AOAH: variants seen among roughly 807,000 people sequenced by gnomAD.
The protein encoded by AOAH is acyloxyacyl hydrolase, also known as acyloxyacyl hydrolase (neutrophil).
Under a neutral mutation model 92.2 loss-of-function variants are expected in AOAH, and 64 were observed. The ratio of observed to expected loss-of-function variants is 0.69; its 90% CI spans 0.57 to 0.86. AOAH has a LOEUF of 0.86. Ranked by LOEUF, AOAH falls within the 40% of genes least tolerant of loss-of-function variation. AOAH has a pLI of 0.00. For missense variants in AOAH, 656 were observed against 694.6 expected, an observed-to-expected ratio of 0.94 and a Z score of 0.62; for synonymous variants, 263 against 254.5, an observed-to-expected ratio of 1.03 and a Z score of -0.32.
chr7:36,573,043 A>T (rs1276652966), intron 13 of AOAH, among the ~76,000 whole-genome samples: 1 of 152,236 alleles, frequency 6.6e-6, no homozygotes, highest in Non-Finnish European at 1.5e-5. Flanking sequence ...GGCAAGAGAC[A>T]TTCAATGATT....
intron 20 of AOAH, among the ~76,000 whole-genome samples, chr7:36,520,687 A>G (rs1478854705): frequency 1.5e-4 from 22 of 146,994 alleles, no homozygotes. Flanking sequence ...CCGGGGCAAC[A>G]AGAGTGAAAC....
rs192215771 is a variant in AOAH, at chr7:36,663,076, C to G, written c.291-3811G>C. On this transcript the variant is annotated intron_variant, in intron 3 of 20. Transcript: ENST00000617537. ...TGAATCTTTAAGCAGTCTGCAAACT[C>G]ATAGGAACAATTCCCACCTTTTCTC... Among the ~76,000 whole-genome samples, 26 of 148,586 alleles carry G rather than the reference C, an allele frequency of 1.7e-4. No homozygotes were observed. The East Asian group carries it at 5.1e-3, about 29-fold the overall frequency.
Position 36,515,708 on chromosome 7 carries a change from CCCACACA to C in AOAH, c.1600-2335_1600-2329del, listed in dbSNP as rs1343553672. On this transcript the variant is annotated intron_variant, in intron 20 of 20. Transcript: ENST00000617537. ...CCACACACACATAATCACACACCCC[CCCACACA>C]CCACACACCAACACCACACACACAC... 4.5e-3 allele frequency among the ~76,000 whole-genome samples: 601 copies of C among 133,306 alleles called. 16 individuals are homozygous for C. Among genetic ancestry groups the C allele is most frequent in the African/African-American group, 0.017 (566 of 33,814 alleles). 87.5% of individuals were successfully genotyped at this position (133,306 alleles called of 152,430 possible). A position where few individuals can be genotyped will look rare whatever the true frequency, so the allele number is the denominator to read the frequency against.
At position 36,609,922 on chromosome 7, in the gene AOAH, T is replaced by C. The variant is rs200693568; in HGVS notation, c.846+6458A>G. ...GAGATGTGACTCTAGAATTTTTGCCTAAGTTAGAACTGACATTTTGTTTAC... is the reference window on the plus strand; with the variant it reads ...GAGATGTGACTCTAGAATTTTTGCCCAAGTTAGAACTGACATTTTGTTTAC... On this transcript the variant is annotated intron_variant, in intron 11 of 20. Transcript: ENST00000617537. Among the ~76,000 whole-genome samples, 4 of 151,922 alleles carry C rather than the reference T, an allele frequency of 2.6e-5. No homozygotes were observed. In the East Asian group the frequency reaches 7.7e-4, roughly 29 times the overall value.
At chr7:36,630,576 A>C (rs1722099333) in intron 6 of AOAH, among the ~76,000 whole-genome samples, 1 of 152,210 alleles carries the variant, frequency 6.6e-6, no homozygotes, top group African/African-American at 2.4e-5. Flanking sequence ...CTAAGGGCCT[A>C]AGAATTCCCT....
chr7:36,564,721 T>C (rs1583830648), intron 13 of AOAH, among the ~76,000 whole-genome samples: 4 of 152,352 alleles, frequency 2.6e-5, no homozygotes, highest in Admixed American at 2.6e-4. Context: ...CTTCTGAATT[T>C]TCCCTCTGTA....
intron 1 of AOAH, among the ~76,000 whole-genome samples, chr7:36,700,087 T>C (rs1397345142): frequency 6.6e-6 from 1 of 152,072 alleles, no homozygotes; most frequent in Non-Finnish European, 1.5e-5. Context: ...GGTGTCTTTG[T>C]CAAAAAATGG....
Position 36,532,314 on chromosome 7 carries a change from T to G in AOAH, c.1337A>C (p.Gln446Pro), listed in dbSNP as rs1562540172. Residue 446 changes from glutamine (Q) to proline (P), a missense_variant, in exon 17 of 21, where the codon CAG becomes CCG. By Grantham distance (76) the Gln-to-Pro change is moderately conservative. Coordinates refer to ENST00000617537, the MANE Select transcript of AOAH (RefSeq NM_001637.4). Reference sequence around the variant, plus strand: ...GAGGCAGTTCAGGAAGGAGTACAACTGCGCATAGGTCATGTCTTTATTTAG... The same window carrying G: ...GAGGCAGTTCAGGAAGGAGTACAACGGCGCATAGGTCATGTCTTTATTTAG... The part of the protein sequence containing the change: ...GQLNKDMTYA[Q>P]LYSFLNCLQV... 1.2e-6 allele frequency: 2 copies of G among 1,614,112 alleles called. No individual in the cohort carries two copies. Among genetic ancestry groups the G allele is most frequent in the Non-Finnish European group, 8.5e-7 (1 of 1,180,024 alleles).
chr7:36,679,233 T>C (rs1466938767), intron 2 of AOAH, among the ~76,000 whole-genome samples: 3 of 152,018 alleles, frequency 2.0e-5, no homozygotes, highest in Non-Finnish European at 4.4e-5. Context: ...CACCACACTG[T>C]CTTCCACAAT....
intron 2 of AOAH, among the ~76,000 whole-genome samples, chr7:36,683,783 T>C (rs1796796787): frequency 6.9e-6 from 1 of 145,166 alleles, no homozygotes; most frequent in Non-Finnish European, 1.5e-5. Context: ...CATGTGTAAA[T>C]GTATATACAT....
intron 13 of AOAH, among the ~76,000 whole-genome samples, chr7:36,570,962 G>A (rs1032376556): frequency 6.6e-6 from 1 of 152,208 alleles, no homozygotes; most frequent in Non-Finnish European, 1.5e-5. Flanking sequence ...TTCCCCATGG[G>A]ACTGGACATC....
chr7:36,570,642 T>A (rs2116579834), intron 13 of AOAH, among the ~76,000 whole-genome samples: 1 of 152,334 alleles, frequency 6.6e-6, no homozygotes, highest in Non-Finnish European at 1.5e-5. Flanking sequence ...TTCCAGTTTC[T>A]CCACATCCTG....
At position 36,576,638 on chromosome 7, in the gene AOAH, A is replaced by G. The variant is rs1315736700; in HGVS notation, c.957T>C (p.Ile319=). The G allele has an allele frequency of 6.4e-7, 1 of 1,564,820 alleles. No homozygotes were observed. Among genetic ancestry groups the G allele is most frequent in the Admixed American group, 1.8e-5 (1 of 56,304 alleles). Residue 319 remains isoleucine, a synonymous_variant, in exon 13 of 21, where the codon ATT becomes ATC. Transcript: ENST00000617537. ...DSTVGIKEKS[I]YLRLWKRNHC... ...GGTTTCTTTTCCATAAGCGAAGGTA[A>G]ATAGATTTTTCTTTAATTCTGAAAC...
chr7:36,570,522 T>C (rs555607948), intron 13 of AOAH, among the ~76,000 whole-genome samples: 24 of 152,338 alleles, frequency 1.6e-4, no homozygotes, highest in African/African-American at 5.5e-4. Flanking sequence ...TACCCAGAAG[T>C]GGGATTGCTG....
At chr7:36,671,529 A>C (rs1264553065) in intron 3 of AOAH, among the ~76,000 whole-genome samples, 2 of 152,184 alleles carry the variant, frequency 1.3e-5, no homozygotes, top group Admixed American at 6.5e-5. Flanking sequence ...ACGGGCTTGC[A>C]CAGGGTATTA....
chr7:36,676,793 C>A (rs1796281424), intron 2 of AOAH, among the ~76,000 whole-genome samples: 1 of 152,138 alleles, frequency 6.6e-6, no homozygotes, highest in Non-Finnish European at 1.5e-5. Context: ...AGTTCAGAAA[C>A]AAACCCTAAC....
intron 9 of AOAH, 109 bp downstream of exon 9, chr7:36,620,671 CT>C: frequency 9.9e-7 from 1 of 1,011,436 alleles, no homozygotes; most frequent in Non-Finnish European, 1.5e-6. Flanking sequence ...AAAAGAGTTG[CT>C]TTAGGCTGTC....
intron 2 of AOAH, among the ~76,000 whole-genome samples, chr7:36,679,515 C>T (rs1375298914): frequency 1.5e-5 from 1 of 66,310 alleles, no homozygotes; most frequent in Non-Finnish European, 3.0e-5. Flanking sequence ...TATTTGATGC[C>T]TTATCTACCT....
chr7:36,594,691 G>A (rs1392973895), intron 11 of AOAH: 2 of 488,346 alleles, frequency 4.1e-6, no homozygotes, highest in East Asian at 3.8e-5. Context: ...TCAAACACTT[G>A]GGAGGGATGC....
Sources: allele counts gnomAD v4.1 joint callset (sites outside exome capture counted in the v4.1 genomes callset), GRCh38; gene constraint gnomAD v4.1.1; transcripts MANE v1.5; gene names NCBI Gene and HGNC (gene_info 2026-07-23, HGNC 2026-07-21).